SPDYC: variants seen among roughly 807,000 people sequenced by gnomAD.
SPDYC encodes the protein speedy/RINGO cell cycle regulator family member C.
Under a neutral mutation model 33.9 loss-of-function variants are expected in SPDYC, and 25 were observed. The observed-to-expected ratio is 0.74, with a 90% CI of 0.54 to 1.03. The LOEUF (loss-of-function observed/expected upper bound fraction) is 1.03. SPDYC is among the 50% of genes least tolerant of loss of function. The pLI is 0.00. For synonymous variants in SPDYC, 133 were observed against 140.2 expected (o/e 0.95, Z 0.36); for missense variants, 349 against 382.9 (o/e 0.91, Z 0.74).
At chr11:65,172,821 C>A in exon 6 of SPDYC, 1 of 1,614,196 alleles carries the variant, frequency 6.2e-7, no homozygotes, top group Non-Finnish European at 8.5e-7. Flanking sequence ...ACTGTTCCCC[C>A]TGTGGTTTGC....
At chr11:65,173,282 C>T (rs1948461881), downstream of SPDYC, 2 of 1,549,244 alleles carry the variant, frequency 1.3e-6, no homozygotes, top group Admixed American at 2.0e-5. Flanking sequence ...TGGCTGTGCT[C>T]CCACCCCTGC....
rs111611709 is a variant in SPDYC, at chr11:65,170,985, G to A, written c.27-342G>A. 1.5e-3 allele frequency among the ~76,000 whole-genome samples: 225 copies of A among 152,222 alleles called. 1 individual carries two copies. Among genetic ancestry groups the A allele is most frequent in the Non-Finnish European group, 2.9e-3 (196 of 68,020 alleles). ...CTCAGCTTCAGTTTCCTCGTTTGAC[G>A]ACCGGTCTGAGTTAAACTTACCTCC... On this transcript the variant is annotated intron_variant, in intron 1 of 6. Transcript: ENST00000377185.
At chr11:65,170,554 G>T (rs1168943206) in intron 1 of SPDYC, among the ~76,000 whole-genome samples, 1 of 152,086 alleles carries the variant, frequency 6.6e-6, no homozygotes, top group Non-Finnish European at 1.5e-5. Context: ...GGTCGGGGGT[G>T]GTTGTGAGTT....
At chr11:65,171,520 C>A in intron 2 of SPDYC, 21 bp downstream of exon 2, 1 of 1,522,822 alleles carries the variant, frequency 6.6e-7, no homozygotes, top group Non-Finnish European at 8.8e-7. Flanking sequence ...AGGGCTGGCA[C>A]GGGAGGGGCC....
At chr11:65,172,067 G>A (rs986803306) in intron 3 of SPDYC, 66 bp downstream of exon 3, 1 of 1,565,100 alleles carries the variant, frequency 6.4e-7, no homozygotes, top group Admixed American at 1.7e-5. Context: ...GAGTGCCCTG[G>A]TCTGGTAGGG....
rs773616460 is a variant in SPDYC, at chr11:65,173,002, T to TAG, written c.836_837insGA (p.Tyr279Ter). The TAG allele has an allele frequency of 1.2e-6, 2 of 1,613,614 alleles. No individual in the cohort carries two copies. The highest frequency in any genetic ancestry group is 1.7e-6 in the Non-Finnish European group (2 of 1,179,770). ...CCAGATGCAACTGGAACCAGGCACC[T>TAG]ACTCCCTCCGCAGTGAGTGCAGGAT... The change falls in exon 6 of 7, where the codon TAC becomes TAGAC. Residue 279 changes from tyrosine (Y) to a stop codon, truncating the protein, a stop_gained and frameshift_variant. Coordinates refer to ENST00000377185, the Ensembl canonical transcript of SPDYC. LOFTEE classifies it low-confidence loss of function (END_TRUNC).
rs1329276813 is a variant in SPDYC at position 65,171,987 on chromosome 11, C to T, written c.244C>T (p.Gln82Ter). The change falls in exon 3 of 7, where the codon CAG (glutamine) becomes TAG (stop). Residue 82 changes from glutamine (Q) to a stop codon, truncating the protein, a stop_gained. Coordinates refer to ENST00000377185, the Ensembl canonical transcript of SPDYC. LOFTEE classifies it high-confidence loss of function. ...ATTCCTCTCCAAAGACCCCTGCTTC[C>T]AGATTTCAGATAAGGTGAGGGAGTA... 6.2e-7 allele frequency: 1 copy of T among 1,613,900 alleles called. No homozygotes were observed. The highest frequency in any genetic ancestry group is 8.5e-7 in the Non-Finnish European group (1 of 1,180,004).
chr11:65,171,475 G>T (rs768565879), exon 2 of SPDYC: 144 of 1,587,206 alleles, frequency 9.1e-5, no homozygotes, highest in Non-Finnish European at 1.1e-4. Flanking sequence ...GCACCAGGAG[G>T]TCCAGGCCTT....
At chr11:65,172,088 A>C in intron 3 of SPDYC, 87 bp downstream of exon 3, 1 of 1,513,978 alleles carries the variant, frequency 6.6e-7, no homozygotes, top group Non-Finnish European at 9.2e-7. Flanking sequence ...AGAGCCACTC[A>C]CCTTCCATCC....
At chr11:65,172,661 A>G in intron 5 of SPDYC, 23 bp from the exon 6 acceptor site, 7 of 1,576,676 alleles carry the variant, frequency 4.4e-6, no homozygotes, top group Non-Finnish European at 6.0e-6. Context: ...CACCCCATTT[A>G]CTGTCCACTC....
At chr11:65,171,258 G>A (rs938443646) in intron 1 of SPDYC, 69 bp from the exon 2 acceptor site, 7 of 1,533,232 alleles carry the variant, frequency 4.6e-6, no homozygotes, top group African/African-American at 2.8e-5. Flanking sequence ...CCTGGCCCCT[G>A]TCACCACCCT....
intron 1 of SPDYC, 23 bp downstream of exon 1, chr11:65,170,284 G>A: frequency 1.9e-6 from 3 of 1,571,614 alleles, no homozygotes; most frequent in Non-Finnish European, 2.6e-6. Flanking sequence ...GCAGGAGGAG[G>A]CTGGGTTGCT....
chr11:65,173,096 G>A (rs1202465194), intron 6 of SPDYC, 82 bp downstream of exon 6: 1 of 1,597,322 alleles, frequency 6.3e-7, no homozygotes, highest in Non-Finnish European at 8.5e-7. Context: ...ATGAGAGAGA[G>A]GGCCATGGGC....
At chr11:65,171,290 G>T in intron 1 of SPDYC, 37 bp from the exon 2 acceptor site, 2 of 1,578,678 alleles carry the variant, frequency 1.3e-6, no homozygotes, top group Non-Finnish European at 1.7e-6. Flanking sequence ...AGCATCACGG[G>T]GGTACATGCT....
At chr11:65,172,909 C>A (rs780454503) in exon 6 of SPDYC, 8 of 1,614,164 alleles carry the variant, frequency 5.0e-6, no homozygotes, top group Non-Finnish European at 6.8e-6. Flanking sequence ...TCATCGCCCT[C>A]CCTCCCAAAA....
At chr11:65,173,328 G>T (rs1454316076), downstream of SPDYC, 14 of 1,285,404 alleles carry the variant, frequency 1.1e-5, no homozygotes, top group African/African-American at 1.8e-4. Flanking sequence ...GCCCACTCTG[G>T]TGCCAGTCCC....
At chr11:65,172,812 C>T (rs1184434015) in exon 6 of SPDYC, 1 of 1,614,184 alleles carries the variant, frequency 6.2e-7, no homozygotes, top group Non-Finnish European at 8.5e-7. Flanking sequence ...CGCCGCCCCA[C>T]TGTTCCCCCT....
In SPDYC at chr11:65,172,931, G is replaced by A. The variant is rs139331051; in HGVS notation, c.764G>A (p.Arg255Lys). 1.2e-5 allele frequency: 19 copies of A among 1,614,130 alleles called. No homozygotes were observed. In the African/African-American group the frequency reaches 1.9e-4, roughly 16 times the overall value. Residue 255 changes from arginine (R) to lysine (K), a missense_variant, in exon 6 of 7, where the codon AGG (arginine) becomes AAG (lysine). Coordinates refer to ENST00000377185, the Ensembl canonical transcript of SPDYC. ...CCTCCCTCCCAAAATTATCTCTCAAGGGTCAAAAACGCCTGGGGTGGGGAC... is the reference window on the plus strand; with the variant it reads ...CCTCCCTCCCAAAATTATCTCTCAAAGGTCAAAAACGCCTGGGGTGGGGAC...
chr11:65,172,466 A>AGG lies in SPDYC; in HGVS notation c.379_380dup (p.Pro128AlafsTer39). 6.3e-7 allele frequency: 1 copy of AGG among 1,589,618 alleles called. No individual in the cohort carries two copies. The highest frequency in any genetic ancestry group is 8.6e-7 in the Non-Finnish European group (1 of 1,165,898). On this transcript the variant is annotated frameshift_variant, in exon 5 of 7. Coordinates refer to ENST00000377185, the Ensembl canonical transcript of SPDYC. LOFTEE classifies it high-confidence loss of function. The stretch of plus-strand genomic sequence containing the variant: ...GCAAACGACATGGAGGAGGACCTGG[A>AGG]GGGCCCCAAATGTGAGATTTTTCCA...
Sources: gnomAD v4.1 joint callset for allele counts (sites outside exome capture counted in the v4.1 genomes callset) on GRCh38, gnomAD v4.1.1 for gene constraint, MANE v1.5 for transcripts, NCBI Gene and HGNC (gene_info 2026-07-23, HGNC 2026-07-21) for gene names.